Variants in ITGA9 observed in about 807,000 individuals in gnomAD.
The protein encoded by ITGA9 is integrin subunit alpha 9.
A neutral mutation model predicts 127.8 loss-of-function variants in ITGA9; 56 were observed. That is an observed-to-expected ratio of 0.44 (90% CI 0.35 to 0.55). The LOEUF (loss-of-function observed/expected upper bound fraction) is 0.55. Among genes scored for constraint, ITGA9 ranks in the 20% least tolerant of loss-of-function variants. The pLI, the probability that ITGA9 is intolerant of heterozygous loss-of-function variation, is 0.00. For missense variants in ITGA9, 1,196 were observed against 1,347.1 expected (o/e 0.89, Z 1.76); for synonymous variants, 508 against 514.5 (o/e 0.99, Z 0.17).
intron 17 of ITGA9, among the ~76,000 whole-genome samples, chr3:37,682,288 A>C (rs886721650): frequency 6.6e-6 from 1 of 152,196 alleles, no homozygotes; most frequent in African/African-American, 2.4e-5. Context: ...CCACTTCAGC[A>C]GTTCTTATCA....
chr3:37,749,919 G>GT (rs990556791), intron 22 of ITGA9, among the ~76,000 whole-genome samples: 1 of 152,146 alleles, frequency 6.6e-6, no homozygotes, highest in Non-Finnish European at 1.5e-5. Context: ...GACCAGATCT[G>GT]TGGGTCTCAA....
In ITGA9 at chr3:37,780,006, A is replaced by C. The variant is rs770358872; in HGVS notation, c.2772A>C (p.Thr924=). ...RTIDIYMLLN[T]EILKKDSSSV... is the part of the protein sequence containing the mutation. ...TAGACATTTACATGCTGCTGAACACAGAAATACTGAAAAAGGTAAGCCCTA... is the reference window on the plus strand; with the variant it reads ...TAGACATTTACATGCTGCTGAACACCGAAATACTGAAAAAGGTAAGCCCTA... Residue 924 remains threonine (T), a synonymous_variant, in exon 25 of 28, where the codon ACA becomes ACC. Coordinates refer to ENST00000264741, the MANE Select transcript of ITGA9 (RefSeq NM_002207.3). 22 of 1,614,140 alleles carry C rather than the reference A, an allele frequency of 1.4e-5. No individual in the cohort carries two copies. The Admixed American group carries it at 3.2e-4, about 23-fold the overall frequency.
chr3:37,644,565 T>C (rs1257559387), intron 16 of ITGA9, among the ~76,000 whole-genome samples: 2 of 152,186 alleles, frequency 1.3e-5, no homozygotes, highest in African/African-American at 4.8e-5. Context: ...ACTGCACTTG[T>C]ATCCCATGAA....
At chr3:37,781,320 T>G (rs1326079522) in intron 25 of ITGA9, among the ~76,000 whole-genome samples, 2 of 152,200 alleles carry the variant, frequency 1.3e-5, no homozygotes, top group Non-Finnish European at 2.9e-5. Flanking sequence ...TACAGTCTCT[T>G]GCAACTGTTC....
chr3:37,632,464 A>G (rs1700237846), intron 16 of ITGA9, among the ~76,000 whole-genome samples: 2 of 152,224 alleles, frequency 1.3e-5, no homozygotes, highest in Non-Finnish European at 2.9e-5. Flanking sequence ...ACGGGGTCCT[A>G]TATCTCCAAG....
At chr3:37,506,118 C>G in intron 7 of ITGA9, 33 bp downstream of exon 7, 1 of 1,480,464 alleles carries the variant, frequency 6.8e-7, no homozygotes, top group Non-Finnish European at 9.3e-7. Flanking sequence ...TAGCTGGGGT[C>G]AGACAGAAGA....
intron 12 of ITGA9, among the ~76,000 whole-genome samples, chr3:37,524,123 G>A (rs1389597530): frequency 6.6e-6 from 1 of 152,200 alleles, no homozygotes; most frequent in Non-Finnish European, 1.5e-5. Context: ...TGGCTTTAGA[G>A]TTAATTATTG....
chr3:37,498,531 G>A (rs1436621871), intron 5 of ITGA9, among the ~76,000 whole-genome samples: 1 of 152,202 alleles, frequency 6.6e-6, no homozygotes, highest in Non-Finnish European at 1.5e-5. Flanking sequence ...AGCTGTGCAA[G>A]CTCAGGGTGA....
chr3:37,460,481 C>T (rs1409319457), intron 1 of ITGA9, among the ~76,000 whole-genome samples: 1 of 152,016 alleles, frequency 6.6e-6, no homozygotes, highest in African/African-American at 2.4e-5. Flanking sequence ...ATAAACGCTT[C>T]AGGTGATGGA....
At chr3:37,513,643 G>A (rs1382980919) in intron 8 of ITGA9, 120 bp from the exon 9 acceptor site, 9 of 1,202,510 alleles carry the variant, frequency 7.5e-6, no homozygotes, top group Middle Eastern at 2.2e-4. Context: ...GTGTCCATGT[G>A]TTCTCATTGT....
intron 15 of ITGA9, among the ~76,000 whole-genome samples, chr3:37,605,310 T>C (rs903867682): frequency 2.0e-5 from 3 of 152,102 alleles, no homozygotes; most frequent in Non-Finnish European, 2.9e-5. Context: ...TGGGCCATGC[T>C]CAGTGGGGGT....
intron 14 of ITGA9, among the ~76,000 whole-genome samples, chr3:37,539,660 T>C (rs1699246829): frequency 6.6e-6 from 1 of 152,232 alleles, no homozygotes; most frequent in South Asian, 2.1e-4. Context: ...ATTTAAATGT[T>C]AATCTAATAT....
intron 1 of ITGA9, among the ~76,000 whole-genome samples, chr3:37,457,612 G>C (rs1698275043): frequency 6.6e-6 from 1 of 152,146 alleles, no homozygotes; most frequent in South Asian, 2.1e-4. Context: ...TAGGGAAATG[G>C]CATTTTCAGA....
chr3:37,758,548 A>G (rs1407423080), intron 23 of ITGA9, among the ~76,000 whole-genome samples: 1 of 151,378 alleles, frequency 6.6e-6, no homozygotes, highest in African/African-American at 2.4e-5. Context: ...TAAAAATTAA[A>G]TTCAACATTT....
chr3:37,729,700 C>CTTTTTTTTTTTTTT (rs34875348), intron 18 of ITGA9, among the ~76,000 whole-genome samples: 1 of 84,122 alleles, frequency 1.2e-5, no homozygotes, highest in Non-Finnish European at 2.3e-5. Context: ...TTTTTGATTT[C>CTTTTTTTTTTTTTT]TTTTTTTTTT....
intron 17 of ITGA9, 53 bp downstream of exon 17, chr3:37,653,843 C>A: frequency 7.4e-7 from 1 of 1,344,050 alleles, no homozygotes; most frequent in East Asian, 2.3e-5. Flanking sequence ...TTTCTTGACC[C>A]CAGGTCCCAA....
chr3:37,770,364 G>A (rs555871459), intron 23 of ITGA9, among the ~76,000 whole-genome samples: 1 of 152,290 alleles, frequency 6.6e-6, no homozygotes, highest in African/African-American at 2.4e-5. Context: ...AAAAAGATCA[G>A]AGGACTTTTC....
rs780282114 is a variant in ITGA9 at position 37,519,374 on chromosome 3, T to TA, written c.1236+21dup. 1 of 1,562,174 alleles carries TA rather than the reference T, an allele frequency of 6.4e-7. No homozygotes were observed. The highest frequency in any genetic ancestry group is 8.8e-7 in the Non-Finnish European group (1 of 1,133,214). On this transcript the variant is annotated intron_variant, in intron 11 of 27. Transcript: ENST00000264741. ...TCAATGGTAATTAGTGTGAGAGTGATATGGCAACTGTTCATACATTCATTC... is the reference window on the plus strand; with the variant it reads ...TCAATGGTAATTAGTGTGAGAGTGATAATGGCAACTGTTCATACATTCATTC...
At chr3:37,773,039 C>G (rs547182978) in intron 23 of ITGA9, among the ~76,000 whole-genome samples, 29 of 152,336 alleles carry the variant, frequency 1.9e-4, no homozygotes, top group African/African-American at 7.0e-4. Context: ...CCCTGCCTTT[C>G]CCAGCTCCCT....
Sources: gnomAD v4.1 joint callset for allele counts (sites outside exome capture counted in the v4.1 genomes callset) on GRCh38, gnomAD v4.1.1 for gene constraint, MANE v1.5 for transcripts, NCBI Gene and HGNC (gene_info 2026-07-23, HGNC 2026-07-21) for gene names.